The following PDE1A variants were observed in gnomAD, a reference collection of about 807,000 sequenced individuals.
The protein encoded by PDE1A is phosphodiesterase 1A, also known as dual specificity calcium/calmodulin-dependent 3',5'-cyclic nucleotide phosphodiesterase 1A.
A neutral mutation model predicts 61.7 loss-of-function variants in PDE1A; 35 were observed. That is an observed-to-expected ratio of 0.57 (90% CI 0.43 to 0.75). PDE1A has a LOEUF of 0.75. Among genes scored for constraint, PDE1A ranks in the 30% least tolerant of loss-of-function variants. The pLI is 0.00. For synonymous variants in PDE1A, 232 were observed against 213.2 expected, an observed-to-expected ratio of 1.09 and a Z score of -0.77; for missense variants, 597 against 630.6, an observed-to-expected ratio of 0.95 and a Z score of 0.57.
At chr2:182,454,707 G>A (rs1186482779) in intron 2 of PDE1A, among the ~76,000 whole-genome samples, 1 of 151,760 alleles carries the variant, frequency 6.6e-6, no homozygotes, top group Non-Finnish European at 1.5e-5. Context: ...GGGAAAACTG[G>A]CTAGCCATAT....
intron 2 of PDE1A, among the ~76,000 whole-genome samples, chr2:182,514,551 G>A (rs1241084161): frequency 2.6e-5 from 4 of 152,012 alleles, no homozygotes; most frequent in African/African-American, 4.8e-5. Context: ...CAAAGTCAAC[G>A]ATAACAAACA....
chr2:182,396,125 T>G (rs1701690356), intron 1 of PDE1A, among the ~76,000 whole-genome samples: 1 of 152,214 alleles, frequency 6.6e-6, no homozygotes, highest in Admixed American at 6.5e-5. Flanking sequence ...TTCTCTCCCT[T>G]AGACTGCCCC....
the PDE1A span, among the ~76,000 whole-genome samples, chr2:182,561,289 C>T: frequency 6.6e-6 from 1 of 152,100 alleles, no homozygotes; most frequent in South Asian, 2.1e-4. Context: ...GCCAGTCTTC[C>T]CAGCACCATT....
exon 14 of PDE1A, chr2:182,167,956 T>C: frequency 4.3e-6 from 5 of 1,171,532 alleles, no homozygotes; most frequent in Non-Finnish European, 5.3e-6. Flanking sequence ...AGAAAATTTA[T>C]TGGCACTCGG....
chr2:182,555,291 C>T, the PDE1A span, among the ~76,000 whole-genome samples: 5 of 152,226 alleles, frequency 3.3e-5, no homozygotes, highest in East Asian at 1.9e-4. Context: ...AACACATTGT[C>T]GGTGAATGTT....
intron 1 of PDE1A, among the ~76,000 whole-genome samples, chr2:182,273,393 G>C (rs1001779716): frequency 6.6e-6 from 1 of 151,842 alleles, no homozygotes; most frequent in African/African-American, 2.4e-5. Context: ...AAAGTTGATA[G>C]TGATGTTGAG....
At chr2:182,592,235 A>G in the PDE1A span, among the ~76,000 whole-genome samples, 1 of 152,238 alleles carries the variant, frequency 6.6e-6, no homozygotes, top group African/African-American at 2.4e-5. Context: ...AAACACAAGC[A>G]TACATGCTGT....
intron 1 of PDE1A, among the ~76,000 whole-genome samples, chr2:182,308,517 G>T (rs920223608): frequency 6.6e-6 from 1 of 152,082 alleles, no homozygotes; most frequent in Admixed American, 6.6e-5. Flanking sequence ...TCCATATGTG[G>T]ATCATGTTTT....
chr2:182,485,541 C>G (rs951504737), intron 2 of PDE1A, among the ~76,000 whole-genome samples: 3 of 151,746 alleles, frequency 2.0e-5, no homozygotes, highest in African/African-American at 4.8e-5. Context: ...GCTATAGTAT[C>G]AAATATAAAT....
the PDE1A span, among the ~76,000 whole-genome samples, chr2:182,706,937 A>T: frequency 6.6e-6 from 1 of 152,252 alleles, no homozygotes. Flanking sequence ...GCTGATGCAT[A>T]GCAGTAATGG....
chr2:182,387,641 C>T (rs539922193), intron 1 of PDE1A, among the ~76,000 whole-genome samples: 79 of 152,022 alleles, frequency 5.2e-4, no homozygotes, highest in African/African-American at 1.9e-3. Context: ...CCTGTAATCC[C>T]AGATACTTGG....
chr2:182,616,706 G>A, the PDE1A span, among the ~76,000 whole-genome samples: 1 of 152,212 alleles, frequency 6.6e-6, no homozygotes, highest in Non-Finnish European at 1.5e-5. Flanking sequence ...ACTTCATGAA[G>A]TGGTTCTCAA....
At chr2:182,681,063 A>C in the PDE1A span, among the ~76,000 whole-genome samples, 1 of 151,706 alleles carries the variant, frequency 6.6e-6, no homozygotes, top group East Asian at 1.9e-4. Context: ...TCTTAAGGAG[A>C]GGTACTTTTG....
At chr2:182,710,149 C>A in the PDE1A span, among the ~76,000 whole-genome samples, 1 of 152,218 alleles carries the variant, frequency 6.6e-6, no homozygotes, top group Admixed American at 6.5e-5. Context: ...CCCACCTTGG[C>A]CTCCCAAAGT....
intron 10 of PDE1A, among the ~76,000 whole-genome samples, chr2:182,190,000 GATAAA>G (rs1685554895): frequency 6.6e-6 from 1 of 152,188 alleles, no homozygotes. Context: ...CATAACTTAG[GATAAA>G]ATACGTAAGG....
the PDE1A span, among the ~76,000 whole-genome samples, chr2:182,581,272 G>T: frequency 6.6e-6 from 1 of 152,274 alleles, no homozygotes; most frequent in Middle Eastern, 3.4e-3. Flanking sequence ...TGTTGGAGTA[G>T]TCTCACAGGT....
At chr2:182,258,110 G>A (rs1691959822) in intron 2 of PDE1A, among the ~76,000 whole-genome samples, 1 of 151,894 alleles carries the variant, frequency 6.6e-6, no homozygotes, top group African/African-American at 2.4e-5. Context: ...GGAGCTTGCA[G>A]TGAGCCGAGA....
At chr2:182,168,181 C>A in exon 14 of PDE1A, 1 of 1,546,118 alleles carries the variant, frequency 6.5e-7, no homozygotes, top group Non-Finnish European at 8.6e-7. Context: ...CAAGCATAAT[C>A]AAAATCTCCA....
At chr2:182,677,434 T>C in the PDE1A span, among the ~76,000 whole-genome samples, 2 of 152,228 alleles carry the variant, frequency 1.3e-5, no homozygotes, top group Admixed American at 1.3e-4. Context: ...AAACATTCCA[T>C]GTTCATGTAT....
Sources: allele counts gnomAD v4.1 joint callset (sites outside exome capture counted in the v4.1 genomes callset), GRCh38; gene constraint gnomAD v4.1.1; transcripts MANE v1.5; gene names NCBI Gene and HGNC (gene_info 2026-07-23, HGNC 2026-07-21).